The following BICRAL variants were observed in gnomAD, a reference collection of about 807,000 sequenced individuals.
BICRAL encodes the protein BICRA like chromatin remodeling complex associated protein, also known as BRD4-interacting chromatin-remodeling complex-associated protein-like.
In BICRAL, 8 loss-of-function variants were observed where a neutral mutation model predicts 91.8. That is an observed-to-expected ratio of 0.09 (90% CI 0.05 to 0.16). BICRAL has a LOEUF of 0.16. Among genes scored for constraint, BICRAL ranks in the 10% least tolerant of loss-of-function variants. The pLI is 1.00. For missense variants in BICRAL, 1,038 were observed against 1,310.9 expected, an observed-to-expected ratio of 0.79 and a Z score of 3.21; for synonymous variants, 445 against 491.1, an observed-to-expected ratio of 0.91 and a Z score of 1.24.
At chr6:42,860,489 AC>A (rs1765522125) in intron 11 of BICRAL, 133 bp downstream of exon 11, 2 of 569,050 alleles carry the variant, frequency 3.5e-6, no homozygotes, top group Non-Finnish European at 6.3e-6. Context: ...AGAAAAACTT[AC>A]GCTTAGCTGC....
At chr6:42,813,458 A>C (rs1030877077) in intron 2 of BICRAL, among the ~76,000 whole-genome samples, 2 of 152,216 alleles carry the variant, frequency 1.3e-5, no homozygotes, top group Non-Finnish European at 2.9e-5. Context: ...AAAGGAAAAA[A>C]ACTCATCAAT....
upstream of BICRAL, chr6:42,781,827 A>T (rs534656626): frequency 6.7e-6 from 1 of 149,034 alleles, no homozygotes. Flanking sequence ...TAATCTCCAC[A>T]TTTTTTGCCA....
At chr6:42,755,364 A>G (rs1414845735) in intron 1 of BICRAL, among the ~76,000 whole-genome samples, 2 of 152,174 alleles carry the variant, frequency 1.3e-5, no homozygotes, top group Non-Finnish European at 2.9e-5. Context: ...TATCCCTGGA[A>G]GGTGGTGTCT....
intron 5 of BICRAL, 146 bp from the exon 6 acceptor site, chr6:42,828,347 G>T: frequency 1.5e-6 from 1 of 652,660 alleles, no homozygotes; most frequent in Non-Finnish European, 2.5e-6. Context: ...CTTGCAGTGA[G>T]CCGAGATCAC....
chr6:42,780,564 T>C (rs1309600698), upstream of BICRAL, among the ~76,000 whole-genome samples: 2 of 152,206 alleles, frequency 1.3e-5, no homozygotes, highest in South Asian at 2.1e-4. Flanking sequence ...TTAGGCTTAA[T>C]ATGTATTTTT....
At chr6:42,761,952 C>T (rs1464141174) in intron 1 of BICRAL, among the ~76,000 whole-genome samples, 1 of 151,896 alleles carries the variant, frequency 6.6e-6, no homozygotes, top group Non-Finnish European at 1.5e-5. Flanking sequence ...TCAGGATTAT[C>T]GTGATGTTAA....
chr6:42,796,396 C>T (rs527766776), intron 1 of BICRAL, among the ~76,000 whole-genome samples: 1 of 152,074 alleles, frequency 6.6e-6, no homozygotes, highest in African/African-American at 2.4e-5. Context: ...GAGTTCTGGG[C>T]GTGGCAAGGT....
chr6:42,787,359 C>G (rs1286008978), intron 1 of BICRAL, among the ~76,000 whole-genome samples: 1 of 152,006 alleles, frequency 6.6e-6, no homozygotes, highest in Non-Finnish European at 1.5e-5. Context: ...TAAGTAGGCA[C>G]TGAATATTTA....
chr6:42,778,161 T>G (rs369412358), upstream of BICRAL, among the ~76,000 whole-genome samples: 3 of 152,306 alleles, frequency 2.0e-5, no homozygotes, highest in South Asian at 6.2e-4. Flanking sequence ...CCTCCAGACT[T>G]AAAATTAGGT....
chr6:42,787,072 C>T (rs1028850176), intron 1 of BICRAL, among the ~76,000 whole-genome samples: 3 of 152,034 alleles, frequency 2.0e-5, no homozygotes, highest in African/African-American at 7.3e-5. Context: ...AGCCCAAGAT[C>T]GATAGTATCT....
At chr6:42,796,446 A>G (rs1056853834) in intron 1 of BICRAL, among the ~76,000 whole-genome samples, 3 of 152,174 alleles carry the variant, frequency 2.0e-5, no homozygotes, top group Admixed American at 2.0e-4. Context: ...GAGGCTGGGG[A>G]GCAGAGCAGT....
chr6:42,776,461 C>G (rs1214033376), intron 1 of BICRAL, among the ~76,000 whole-genome samples: 5 of 152,100 alleles, frequency 3.3e-5, no homozygotes, highest in African/African-American at 1.2e-4. Context: ...GATCCTCCCA[C>G]CCCAGCCTCC....
chr6:42,760,573 T>TATG (rs1762529211), intron 1 of BICRAL, among the ~76,000 whole-genome samples: 1 of 148,704 alleles, frequency 6.7e-6, no homozygotes. Flanking sequence ...TTATTATTAC[T>TATG]ATTATTATTA....
intron 1 of BICRAL, among the ~76,000 whole-genome samples, chr6:42,796,919 C>T (rs1032669866): frequency 6.6e-6 from 1 of 151,920 alleles, no homozygotes; most frequent in Non-Finnish European, 1.5e-5. Flanking sequence ...GTGGCGCATG[C>T]CTGTAATCCC....
intron 6 of BICRAL, among the ~76,000 whole-genome samples, chr6:42,836,210 T>TGG: frequency 6.6e-6 from 1 of 152,240 alleles, no homozygotes; most frequent in Non-Finnish European, 1.5e-5. Context: ...ATCAGCTTTA[T>TGG]GTTTATTATA....
intron 1 of BICRAL, among the ~76,000 whole-genome samples, chr6:42,766,109 G>T (rs575163084): frequency 1.3e-5 from 2 of 152,162 alleles, no homozygotes; most frequent in Non-Finnish European, 2.9e-5. Context: ...GCTTCCCAAA[G>T]TGCTGGGAAT....
At chr6:42,799,495 C>T (rs912206466) in intron 1 of BICRAL, among the ~76,000 whole-genome samples, 3 of 151,554 alleles carry the variant, frequency 2.0e-5, no homozygotes, top group African/African-American at 4.8e-5. Context: ...GGGGTTTCAC[C>T]GTGTTAGCCA....
intron 1 of BICRAL, among the ~76,000 whole-genome samples, chr6:42,765,265 G>C (rs796854165): frequency 6.9e-4 from 105 of 152,340 alleles, no homozygotes; most frequent in African/African-American, 2.3e-3. Flanking sequence ...CTGATTTGGA[G>C]GACGGAATAA....
At chr6:42,835,194 T>C (rs1764604995) in intron 6 of BICRAL, among the ~76,000 whole-genome samples, 1 of 152,068 alleles carries the variant, frequency 6.6e-6, no homozygotes, top group Admixed American at 6.6e-5. Context: ...AATGGCACGA[T>C]ATCTGCTCAC....
Sources: gnomAD v4.1 joint callset for allele counts (sites outside exome capture counted in the v4.1 genomes callset) on GRCh38, gnomAD v4.1.1 for gene constraint, MANE v1.5 for transcripts, NCBI Gene and HGNC (gene_info 2026-07-23, HGNC 2026-07-21) for gene names.